LRRK2: variants seen among roughly 807,000 people sequenced by gnomAD.
The protein encoded by LRRK2 is leucine-rich repeat serine/threonine-protein kinase 2.
Under a neutral mutation model 302.6 loss-of-function variants are expected in LRRK2, and 203 were observed. That is an observed-to-expected ratio of 0.67 (90% CI 0.60 to 0.75). The LOEUF is 0.75. LRRK2 is among the 30% of genes least tolerant of loss of function. The pLI is 0.00. For missense variants in LRRK2, 2,830 were observed against 2,951.0 expected (o/e 0.96, Z 0.95); for synonymous variants, 1,066 against 1,031.9 (o/e 1.03, Z -0.63).
rs549471030 is a variant in LRRK2, at chr12:40,353,403, G to T, written c.6577-896G>T. On this transcript the variant is annotated intron_variant, in intron 44 of 50. Coordinates refer to ENST00000298910, the MANE Select transcript of LRRK2 (RefSeq NM_198578.4). ...CCAGACGGGGCGGCAGGGCAGAGGC[G>T]CTCCCCACATCTCAGACAATGGGCG... 2.0e-5 allele frequency among the ~76,000 whole-genome samples: 3 copies of T among 151,116 alleles called. No individual in the cohort carries two copies. The East Asian group carries it at 5.9e-4, about 30-fold the overall frequency.
rs575175129 is a variant in LRRK2 at position 40,263,866 on chromosome 12, G to A, written c.1621G>A (p.Asp541Asn). The A allele has an allele frequency of 3.1e-6, 5 of 1,612,838 alleles. No homozygotes were observed. In the African/African-American group the frequency reaches 4.0e-5, roughly 13 times the overall value. The change falls in exon 14 of 51, where the codon GAT becomes AAT. Residue 541 changes from aspartate to asparagine, a missense_variant. By Grantham distance (23) the Asp-to-Asn change is conservative. Around this residue, in one of 3 missense-constraint regions of LRRK2, gnomAD observed 2,121 missense variants for 2,148.0 expected, o/e 0.99. Coordinates refer to ENST00000298910, the MANE Select transcript of LRRK2 (RefSeq NM_198578.4). ...NMVKKQCFKN[D>N]IHKLVLAALN... ...GGTTAAAAAACAGTGTTTCAAGAAT[G>A]ATATTCACAAACTGGTCCTAGCAGC... is the stretch of plus-strand genomic sequence containing the variant.
In LRRK2 at chr12:40,367,677, A is replaced by G. The variant is rs553007697; in HGVS notation, c.7496A>G (p.Asn2499Ser). The change falls in exon 51 of 51, where the codon AAT becomes AGT. Residue 2499 changes from asparagine (N) to serine (S), a missense_variant. Asn to Ser is a conservative substitution (Grantham distance 46). This residue lies in a region of LRRK2 where 456 missense variants were observed against 456.3 expected (regional missense o/e 1.00). Transcript: ENST00000298910. ...IQSCLTVWDI[N>S]LPHEVQNLEK... ...TCTTGCTTGACCGTTTGGGACATCA[A>G]TCTTCCACATGAAGTGCAAAATTTA... 29 of 1,604,414 alleles carry G rather than the reference A, an allele frequency of 1.8e-5. No homozygotes were observed. Among genetic ancestry groups the G allele is most frequent in the Non-Finnish European group, 2.4e-5 (28 of 1,174,352 alleles).
chr12:40,243,592 A>G lies in LRRK2; in HGVS notation c.749A>G (p.Tyr250Cys), dbSNP rs760318119. Reference protein sequence around the residue: ...EVLMSGNVRCYNIVVEAMKAF... With the variant: ...EVLMSGNVRCCNIVVEAMKAF... ...CTCATGAGTGGCAATGTCAGGTGTT[A>G]TAATATTGTGGTGGAAGCTATGAAA... The change falls in exon 7 of 51, where the codon TAT (tyrosine) becomes TGT (cysteine). Residue 250 changes from tyrosine (Y) to cysteine (C), a missense_variant. Transcript: ENST00000298910. 2 of 1,612,236 alleles carry G rather than the reference A, an allele frequency of 1.2e-6. No individual in the cohort carries two copies.
intron 14 of LRRK2, 107 bp from the exon 15 acceptor site, chr12:40,274,476 A>T (rs1048589060): frequency 8.5e-7 from 1 of 1,175,124 alleles, no homozygotes; most frequent in Non-Finnish European, 1.2e-6. Context: ...AAGGATACTG[A>T]TTTATATTTG....
At position 40,322,443 on chromosome 12, in the gene LRRK2, T is replaced by G. The variant is rs1446318773; in HGVS notation, c.5442T>G (p.Tyr1814Ter). The G allele has an allele frequency of 6.2e-7, 1 of 1,613,318 alleles. No individual in the cohort carries two copies. Among genetic ancestry groups the G allele is most frequent in the East Asian group, 2.2e-5 (1 of 44,824 alleles). Residue 1814 changes from tyrosine (Y) to a stop codon, truncating the protein, a stop_gained, in exon 37 of 51, where the codon TAT becomes TAG. Coordinates refer to ENST00000298910, the MANE Select transcript of LRRK2 (RefSeq NM_198578.4). LOFTEE classifies it high-confidence loss of function. ...GETLLKKWAL[Y>*]SFNDGEEHQK... ...CTCTGTTGAAGAAATGGGCATTATA[T>G]AGTTTTAATGATGGTGAAGAACATC...
intron 14 of LRRK2, among the ~76,000 whole-genome samples, chr12:40,267,610 A>G (rs1272149194): frequency 5.9e-5 from 9 of 152,138 alleles, no homozygotes; most frequent in Non-Finnish European, 1.2e-4. Context: ...AACTGAGAAG[A>G]AATGGTTGAG....
In LRRK2 at chr12:40,367,876, T is replaced by A; in HGVS notation, c.*111T>A. 1.1e-6 allele frequency: 1 copy of A among 940,966 alleles called. No homozygotes were observed. Among genetic ancestry groups the A allele is most frequent in the East Asian group, 2.8e-5 (1 of 36,048 alleles). 58.3% of individuals were successfully genotyped at this position (940,966 alleles called of 1,614,324 possible). A position where few individuals can be genotyped will look rare whatever the true frequency, so the allele number is the denominator to read the frequency against. On this transcript the variant is annotated 3_prime_UTR_variant, in exon 51 of 51. Transcript: ENST00000298910. Reference sequence around the variant, plus strand: ...TACTCACATTTTTTGAAATAGCTCGTGTGTATGAAGGAATGTTATTATTTT... The same window carrying A: ...TACTCACATTTTTTGAAATAGCTCGAGTGTATGAAGGAATGTTATTATTTT...
chr12:40,281,487 G>A lies in LRRK2; in HGVS notation c.2242-2388G>A, dbSNP rs147272645. Reference sequence around the variant, plus strand: ...TAGATGATCAGAGAAAGATTGCAGGGATAAGAAATTATGCTTTTGATAATC... The same window carrying A: ...TAGATGATCAGAGAAAGATTGCAGGAATAAGAAATTATGCTTTTGATAATC... On this transcript the variant is annotated intron_variant, in intron 18 of 50. Coordinates refer to ENST00000298910, the MANE Select transcript of LRRK2 (RefSeq NM_198578.4). Among the ~76,000 whole-genome samples the A allele has an allele frequency of 4.7e-3, 720 of 152,208 alleles. 1 individual carries two copies. Among genetic ancestry groups the A allele is most frequent in the Non-Finnish European group, 7.7e-3 (524 of 67,996 alleles).
chr12:40,294,629 C>T (rs1944308561), intron 21 of LRRK2, among the ~76,000 whole-genome samples: 1 of 151,922 alleles, frequency 6.6e-6, no homozygotes, highest in Admixed American at 6.6e-5. Context: ...ATATTTAAAA[C>T]AAAGGAGAAA....
At chr12:40,338,670 A>G (rs1292591924) in intron 40 of LRRK2, among the ~76,000 whole-genome samples, 1 of 152,226 alleles carries the variant, frequency 6.6e-6, no homozygotes, top group Non-Finnish European at 1.5e-5. Context: ...CCAAGATATT[A>G]TCTCTTTGCC....
Position 40,363,435 on chromosome 12 carries a change from C to T in LRRK2, c.7062C>T (p.Ile2354=), listed in dbSNP as rs768811495. 1.3e-5 allele frequency: 21 copies of T among 1,611,728 alleles called. No individual in the cohort carries two copies. The Admixed American group carries it at 1.5e-4, about 12-fold the overall frequency. Residue 2354 remains isoleucine (I), a synonymous_variant, in exon 48 of 51, where the codon ATC becomes ATT. Coordinates refer to ENST00000298910, the MANE Select transcript of LRRK2 (RefSeq NM_198578.4). ...ATGCAGCTTTCAGTGATTCCAACAT[C>T]ATAACAGTGGTGGTAGACACTGCTC... ...FSYAAFSDSN[I]ITVVVDTALY... is the part of the protein sequence containing the mutation.
In LRRK2 at chr12:40,253,710, C is replaced by A. The variant is rs148094299; in HGVS notation, c.1288+694C>A. The stretch of plus-strand genomic sequence containing the variant: ...AATTTTTAATAGCTTTGTAGTTTTT[C>A]AGTGCTTGCCTGTATTCTGTTTTAT... On this transcript the variant is annotated intron_variant, in intron 11 of 50. Coordinates refer to ENST00000298910, the MANE Select transcript of LRRK2 (RefSeq NM_198578.4). 1.6e-3 allele frequency among the ~76,000 whole-genome samples: 246 copies of A among 152,230 alleles called. 1 individual carries two copies. The highest frequency in any genetic ancestry group is 5.6e-3 in the African/African-American group (231 of 41,554).
In LRRK2 at chr12:40,340,573, A is replaced by G. The variant is rs1374734306; in HGVS notation, c.6109+119A>G. ...TCTATCACATTGTGAACAGAGGTTT[A>G]TTTTGTGAAAAAATGCAAGCATCAC... On this transcript the variant is annotated intron_variant, in intron 41 of 50. Transcript: ENST00000298910. 3.9e-6 allele frequency: 4 copies of G among 1,031,106 alleles called. No homozygotes were observed. In the African/African-American group the frequency reaches 4.7e-5, roughly 12 times the overall value. 63.9% of individuals were successfully genotyped at this position (1,031,106 alleles called of 1,614,324 possible).
intron 14 of LRRK2, among the ~76,000 whole-genome samples, chr12:40,270,211 G>T (rs1392663157): frequency 6.6e-6 from 1 of 152,096 alleles, no homozygotes; most frequent in Non-Finnish European, 1.5e-5. Context: ...TATAGAAGAT[G>T]AGGAAATCAG....
chr12:40,311,039 G>T (rs1400966095), intron 31 of LRRK2, among the ~76,000 whole-genome samples: 1 of 151,984 alleles, frequency 6.6e-6, no homozygotes. Flanking sequence ...TTCTTTAACT[G>T]TTATTTTTCC....
intron 34 of LRRK2, 34 bp from the exon 35 acceptor site, chr12:40,321,000 A>T: frequency 6.2e-7 from 1 of 1,610,888 alleles, no homozygotes; most frequent in Non-Finnish European, 8.5e-7. Context: ...GTGTTTTGTG[A>T]GGCTGTATAA....
chr12:40,325,549 A>G (rs1945523408), intron 38 of LRRK2, among the ~76,000 whole-genome samples: 1 of 152,216 alleles, frequency 6.6e-6, no homozygotes, highest in Non-Finnish European at 1.5e-5. Flanking sequence ...TGTCAGTAGT[A>G]TCTCCCCTTC....
At chr12:40,258,081 C>T (rs1038564314) in intron 12 of LRRK2, among the ~76,000 whole-genome samples, 4 of 152,124 alleles carry the variant, frequency 2.6e-5, no homozygotes, top group African/African-American at 9.7e-5. Flanking sequence ...TCACGTTCCT[C>T]ATTGATAAAG....
At chr12:40,288,353 A>T (rs1944008706) in intron 20 of LRRK2, among the ~76,000 whole-genome samples, 1 of 151,900 alleles carries the variant, frequency 6.6e-6, no homozygotes, top group Non-Finnish European at 1.5e-5. Context: ...GTCGCTATTA[A>T]GTTATGCAAT....
Sources: gnomAD v4.1 joint callset for allele counts (sites outside exome capture counted in the v4.1 genomes callset) on GRCh38, gnomAD v4.1.1 for gene constraint, gnomAD v4.1.1 regional missense constraint, MANE v1.5 for transcripts, NCBI Gene and HGNC (gene_info 2026-07-23, HGNC 2026-07-21) for gene names.